NFIB: variants seen among roughly 807,000 people sequenced by gnomAD.
NFIB encodes nuclear factor 1 B-type.
A neutral mutation model predicts 61.5 loss-of-function variants in NFIB; 11 were observed. The ratio of observed to expected loss-of-function variants is 0.18; its 90% CI spans 0.11 to 0.30. NFIB has a LOEUF of 0.30. Ranked by LOEUF, NFIB falls within the 10% of genes least tolerant of loss-of-function variation. The pLI, the probability that NFIB is intolerant of heterozygous loss-of-function variation, is 1.00. For missense variants in NFIB, 471 were observed against 608.9 expected (o/e 0.77, Z 2.38); for synonymous variants, 260 against 216.5 (o/e 1.20, Z -1.76).
chr9:14,386,773 A>G (rs1348548156), intron 1 of NFIB, among the ~76,000 whole-genome samples: 1 of 152,196 alleles, frequency 6.6e-6, no homozygotes, highest in Non-Finnish European at 1.5e-5. Context: ...ACAGCCTTGG[A>G]GACTGGAGGG....
At chr9:14,303,767 T>C (rs927281646) in intron 2 of NFIB, among the ~76,000 whole-genome samples, 6 of 152,172 alleles carry the variant, frequency 3.9e-5, no homozygotes, top group African/African-American at 9.6e-5. Context: ...GCCTTTTTTT[T>C]CCCCCTCGCC....
the NFIB span, among the ~76,000 whole-genome samples, chr9:14,472,568 A>T: frequency 6.6e-6 from 1 of 152,144 alleles, no homozygotes; most frequent in South Asian, 2.1e-4. Flanking sequence ...TTATAAAAGG[A>T]TTGGTCTCAC....
chr9:14,230,053 C>A (rs992910054), intron 2 of NFIB, among the ~76,000 whole-genome samples: 3 of 152,200 alleles, frequency 2.0e-5, no homozygotes, highest in African/African-American at 4.8e-5. Flanking sequence ...GATCAGCCCG[C>A]CTTAGCCTCC....
chr9:14,276,662 T>C (rs1448258126), intron 2 of NFIB, among the ~76,000 whole-genome samples: 1 of 152,104 alleles, frequency 6.6e-6, no homozygotes, highest in Non-Finnish European at 1.5e-5. Flanking sequence ...TAATAATATC[T>C]ATCTTGTGAA....
intron 2 of NFIB, among the ~76,000 whole-genome samples, chr9:14,274,899 T>G (rs571756360): frequency 6.6e-6 from 1 of 152,316 alleles, no homozygotes; most frequent in African/African-American, 2.4e-5. Flanking sequence ...TTAACTGATT[T>G]CTTAAGAAAT....
At chr9:14,401,548 C>G (rs993860399), upstream of NFIB, among the ~76,000 whole-genome samples, 4 of 152,178 alleles carry the variant, frequency 2.6e-5, no homozygotes, top group Non-Finnish European at 5.9e-5. Flanking sequence ...AGTTACTCAA[C>G]AAGTATTTAT....
intron 2 of NFIB, among the ~76,000 whole-genome samples, chr9:14,258,943 G>A (rs1353455432): frequency 6.6e-6 from 1 of 152,154 alleles, no homozygotes; most frequent in East Asian, 1.9e-4. Flanking sequence ...TTCATTTGGA[G>A]GCTCATATCC....
At chr9:14,108,191 A>G (rs1168292262) in intron 10 of NFIB, among the ~76,000 whole-genome samples, 1 of 152,130 alleles carries the variant, frequency 6.6e-6, no homozygotes, top group Non-Finnish European at 1.5e-5. Context: ...GTTTTACGTC[A>G]AGCTGTCAAT....
At chr9:14,147,359 A>C (rs2042378463) in intron 5 of NFIB, among the ~76,000 whole-genome samples, 1 of 152,144 alleles carries the variant, frequency 6.6e-6, no homozygotes, top group South Asian at 2.1e-4. Context: ...GAAACAATAA[A>C]ACCTAGTTCA....
At chr9:14,251,660 C>T (rs190460106) in intron 2 of NFIB, among the ~76,000 whole-genome samples, 93 of 152,318 alleles carry the variant, frequency 6.1e-4, no homozygotes, top group Non-Finnish European at 9.3e-4. Context: ...CTTCTCACCA[C>T]GGCCGAGGGG....
In NFIB at chr9:14,108,476, A is replaced by G. The variant is rs531652681; in HGVS notation, c.1467+4523T>C. Among the ~76,000 whole-genome samples the G allele has an allele frequency of 3.3e-5, 5 of 152,248 alleles. No homozygotes were observed. In the East Asian group the frequency reaches 9.6e-4, roughly 29 times the overall value. The stretch of plus-strand genomic sequence containing the variant: ...AACAGAAATTTTCAGTGTAATGAGA[A>G]GTACTTTCAAATTCTAGTTTTAAAA... On this transcript the variant is annotated intron_variant, in intron 10 of 10. Transcript: ENST00000380953.
At chr9:14,284,460 T>C (rs2058581042) in intron 2 of NFIB, among the ~76,000 whole-genome samples, 1 of 152,158 alleles carries the variant, frequency 6.6e-6, no homozygotes, top group Non-Finnish European at 1.5e-5. Flanking sequence ...GGCGGAATTT[T>C]TGTCCTGCAA....
intron 10 of NFIB, among the ~76,000 whole-genome samples, chr9:14,097,880 T>C (rs1036000506): frequency 1.4e-5 from 2 of 145,608 alleles, no homozygotes; most frequent in African/African-American, 2.5e-5. Context: ...TTTTTCTTTT[T>C]TTTTTTTTTT....
At chr9:14,411,782 G>T in the NFIB span, among the ~76,000 whole-genome samples, 2 of 152,116 alleles carry the variant, frequency 1.3e-5, no homozygotes, top group Admixed American at 6.5e-5. Flanking sequence ...CTGTATTAAG[G>T]CTGGTCTGTT....
At chr9:14,253,052 A>G (rs2055832777) in intron 2 of NFIB, among the ~76,000 whole-genome samples, 1 of 152,216 alleles carries the variant, frequency 6.6e-6, no homozygotes, top group African/African-American at 2.4e-5. Context: ...TCAATGCTTC[A>G]TAATTTTCAT....
At chr9:14,267,529 G>C (rs1331839578) in intron 2 of NFIB, among the ~76,000 whole-genome samples, 2 of 152,126 alleles carry the variant, frequency 1.3e-5, no homozygotes, top group African/African-American at 2.4e-5. Context: ...CATTTCCTCA[G>C]AAAGACTTTC....
chr9:14,137,954 A>G (rs1586948196), intron 6 of NFIB, among the ~76,000 whole-genome samples: 1 of 152,164 alleles, frequency 6.6e-6, no homozygotes, highest in African/African-American at 2.4e-5. Context: ...CATGCATTAA[A>G]AAAAATTGTA....
In NFIB at chr9:14,161,513, ATATT is replaced by A. The variant is rs945086646; in HGVS notation, c.617-5624_617-5621del. ...TTAAACTTTTTCCGCATATATATAT[ATATT>A]TATTTATAAAATCAATATCAAATTT... On this transcript the variant is annotated intron_variant, in intron 3 of 10. Coordinates refer to ENST00000380953, the MANE Select transcript of NFIB (RefSeq NM_001190737.2). Among the ~76,000 whole-genome samples, 47 of 151,550 alleles carry A rather than the reference ATATT, an allele frequency of 3.1e-4. 1 individual carries two copies. The highest frequency in any genetic ancestry group is 1.0e-3 in the African/African-American group (43 of 41,446).
chr9:14,234,927 C>T (rs2053594161), intron 2 of NFIB, among the ~76,000 whole-genome samples: 1 of 151,708 alleles, frequency 6.6e-6, no homozygotes, highest in African/African-American at 2.4e-5. Flanking sequence ...AAAAAAATAG[C>T]TTCACATATG....
Sources: gnomAD v4.1 joint callset for allele counts (sites outside exome capture counted in the v4.1 genomes callset) on GRCh38, gnomAD v4.1.1 for gene constraint, MANE v1.5 for transcripts, NCBI Gene and HGNC (gene_info 2026-07-23, HGNC 2026-07-21) for gene names.